TMPRSS11F: variants seen among roughly 807,000 people sequenced by gnomAD.
TMPRSS11F encodes transmembrane serine protease 11F.
Under a neutral mutation model 60.2 loss-of-function variants are expected in TMPRSS11F, and 47 were observed. The observed-to-expected ratio is 0.78, with a 90% CI of 0.62 to 1.00. The LOEUF is 1.00. Ranked by LOEUF, TMPRSS11F falls within the 50% of genes least tolerant of loss-of-function variation. TMPRSS11F has a pLI of 0.00. For synonymous variants in TMPRSS11F, 166 were observed against 167.3 expected (o/e 0.99, Z 0.06); for missense variants, 519 against 522.9 (o/e 0.99, Z 0.07).
chr4:68,109,165 A>G (rs1724359207), intron 1 of TMPRSS11F, among the ~76,000 whole-genome samples: 1 of 152,172 alleles, frequency 6.6e-6, no homozygotes, highest in African/African-American at 2.4e-5. Context: ...CATCTAATAC[A>G]GTCAACAAGT....
intron 3 of TMPRSS11F, among the ~76,000 whole-genome samples, chr4:68,088,602 A>T (rs918402193): frequency 7.9e-5 from 12 of 152,082 alleles, no homozygotes; most frequent in Middle Eastern, 3.2e-3. Context: ...TTTTTTCAGC[A>T]CCACACCACA....
intron 1 of TMPRSS11F, among the ~76,000 whole-genome samples, chr4:68,101,023 T>C (rs1196657270): frequency 6.6e-6 from 1 of 152,202 alleles, no homozygotes; most frequent in African/African-American, 2.4e-5. Context: ...TTCATTACTA[T>C]ACTCTGATCC....
intron 1 of TMPRSS11F, among the ~76,000 whole-genome samples, chr4:68,126,149 T>C (rs574042377): frequency 3.9e-5 from 6 of 152,322 alleles, no homozygotes; most frequent in Admixed American, 3.3e-4. Context: ...GTAAGGATTC[T>C]GTTTGTTTTA....
At chr4:68,054,121 G>T (rs1336185754) in intron 9 of TMPRSS11F, 54 bp from the exon 10 acceptor site, 2 of 1,536,494 alleles carry the variant, frequency 1.3e-6, no homozygotes, top group Non-Finnish European at 8.9e-7. Context: ...CAGTGGGAAG[G>T]TATTGTAATC....
chr4:68,085,459 T>G (rs964533002), intron 3 of TMPRSS11F, among the ~76,000 whole-genome samples: 1 of 152,198 alleles, frequency 6.6e-6, no homozygotes, highest in Non-Finnish European at 1.5e-5. Flanking sequence ...TCATAGTGGT[T>G]TTGATTTGCA....
At chr4:68,098,504 A>G (rs1191302319) in intron 2 of TMPRSS11F, among the ~76,000 whole-genome samples, 1 of 152,184 alleles carries the variant, frequency 6.6e-6, no homozygotes, top group Non-Finnish European at 1.5e-5. Flanking sequence ...AGCCCTTTAA[A>G]GGTATTTTTC....
At position 68,064,879 on chromosome 4, in the gene TMPRSS11F, C is replaced by T. The variant is rs377605520; in HGVS notation, c.821G>A (p.Arg274Gln). 1.7e-5 allele frequency: 28 copies of T among 1,613,920 alleles called. No homozygotes were observed. Among genetic ancestry groups the T allele is most frequent in the African/African-American group, 4.0e-5 (3 of 74,926 alleles). Residue 274 changes from arginine to glutamine, a missense_variant, in exon 8 of 10, where the codon CGA becomes CAA. Coordinates refer to ENST00000356291, the MANE Select transcript of TMPRSS11F (RefSeq NM_207407.2). ...ATGAAGAATAATTTTCCTCACATTT[C>T]GTTTCACTGCGGGTGGTGTTATAGT... ...GATITPPAVK[R>Q]NVRKIILHEN...
chr4:68,064,576 G>A, intron 8 of TMPRSS11F, 109 bp downstream of exon 8: 1 of 1,299,360 alleles, frequency 7.7e-7, no homozygotes, highest in Middle Eastern at 1.9e-4. Flanking sequence ...CACACATACT[G>A]GAAAGACCAT....
At chr4:68,112,665 G>C (rs780471686) in intron 1 of TMPRSS11F, among the ~76,000 whole-genome samples, 51 of 152,192 alleles carry the variant, frequency 3.4e-4, no homozygotes, top group Non-Finnish European at 4.1e-4. Context: ...CAGCTAGACA[G>C]TAAACTCCAC....
At chr4:68,062,330 T>C (rs1723202084) in intron 8 of TMPRSS11F, 1 of 458,960 alleles carries the variant, frequency 2.2e-6, no homozygotes, top group African/African-American at 2.0e-5. Context: ...ATAATGTACG[T>C]TTCTCAGTTT....
chr4:68,127,975 A>G (rs1724746721), intron 1 of TMPRSS11F, among the ~76,000 whole-genome samples: 2 of 152,058 alleles, frequency 1.3e-5, no homozygotes, highest in Non-Finnish European at 2.9e-5. Context: ...TTACTTATAA[A>G]CCTTCCCCAC....
chr4:68,112,874 C>T (rs1005887706), intron 1 of TMPRSS11F, among the ~76,000 whole-genome samples: 26 of 152,116 alleles, frequency 1.7e-4, no homozygotes, highest in African/African-American at 5.6e-4. Flanking sequence ...GCATTCTTCT[C>T]TATATCTCTT....
intron 5 of TMPRSS11F, 93 bp downstream of exon 5, chr4:68,072,230 A>AAAATAT (rs1553885921): frequency 5.4e-5 from 5 of 92,788 alleles, no homozygotes; most frequent in African/African-American, 7.9e-5. Context: ...CCAAAAAAAA[A>AAAATAT]ATATATATAT....
intron 1 of TMPRSS11F, among the ~76,000 whole-genome samples, chr4:68,103,515 C>G (rs1042712876): frequency 3.3e-5 from 5 of 151,878 alleles, no homozygotes; most frequent in African/African-American, 1.2e-4. Flanking sequence ...CTTTGTTTTA[C>G]TGCCCTGTTA....
chr4:68,061,890 G>C (rs1723184470), intron 8 of TMPRSS11F: 1 of 422,290 alleles, frequency 2.4e-6, no homozygotes, highest in African/African-American at 2.1e-5. Context: ...AATGAAAAAT[G>C]AACTTTTAAA....
At chr4:68,093,407 T>A (rs1723984905) in intron 2 of TMPRSS11F, among the ~76,000 whole-genome samples, 1 of 152,080 alleles carries the variant, frequency 6.6e-6, no homozygotes. Flanking sequence ...TCAAGATGGA[T>A]TAAAGACTTA....
chr4:68,101,363 G>A (rs913737998), intron 1 of TMPRSS11F, among the ~76,000 whole-genome samples: 3 of 152,144 alleles, frequency 2.0e-5, no homozygotes, highest in Admixed American at 6.6e-5. Context: ...TGGAAAAAAG[G>A]TCATAATAAA....
chr4:68,121,560 T>A (rs926614434), intron 1 of TMPRSS11F, among the ~76,000 whole-genome samples: 1 of 152,180 alleles, frequency 6.6e-6, no homozygotes, highest in East Asian at 1.9e-4. Flanking sequence ...CTAAACAGAA[T>A]GTGCTATGGT....
intron 9 of TMPRSS11F, among the ~76,000 whole-genome samples, chr4:68,058,098 A>G (rs370157671): frequency 6.6e-6 from 1 of 152,252 alleles, no homozygotes; most frequent in African/African-American, 2.4e-5. Flanking sequence ...GGGAAAGGGG[A>G]GTTGCTAGTC....
Sources: gnomAD v4.1 joint callset for allele counts (sites outside exome capture counted in the v4.1 genomes callset) on GRCh38, gnomAD v4.1.1 for gene constraint, MANE v1.5 for transcripts, NCBI Gene and HGNC (gene_info 2026-07-23, HGNC 2026-07-21) for gene names.